Variants in SPAG4 observed in about 807,000 individuals in gnomAD.
The protein encoded by SPAG4 is sperm-associated antigen 4 protein.
A neutral mutation model predicts 53.9 loss-of-function variants in SPAG4; 54 were observed. The observed-to-expected ratio is 1.00, with a 90% CI of 0.80 to 1.26. SPAG4 has a LOEUF of 1.26. SPAG4 is among the 50% of genes most tolerant of loss of function. The probability of loss-of-function intolerance (pLI) is 0.00; values close to 1 mark genes in which losing one functional copy is unlikely to be tolerated. For missense variants in SPAG4, 548 were observed against 568.6 expected (o/e 0.96, Z 0.37); for synonymous variants, 246 against 237.4 (o/e 1.04, Z -0.33).
intron 7 of SPAG4, 85 bp downstream of exon 7, chr20:35,618,805 G>T (rs2031476754): frequency 7.0e-7 from 1 of 1,437,014 alleles, no homozygotes; most frequent in Admixed American, 1.9e-5. Context: ...AGCCCTGCGG[G>T]ATTTCTCCCG....
In SPAG4 at chr20:35,619,318, T is replaced by C. The variant is rs777887296; in HGVS notation, c.909+8T>C. 12 of 1,609,176 alleles carry C rather than the reference T, an allele frequency of 7.5e-6. No individual in the cohort carries two copies. Among genetic ancestry groups the C allele is most frequent in the Middle Eastern group, 1.6e-4 (1 of 6,072 alleles). Reference sequence around the variant, plus strand: ...CCCACGGTTATCCTGGAGGTGAGTCTGGAAACATCCCGGGATGGGACCCCG... The same window carrying C: ...CCCACGGTTATCCTGGAGGTGAGTCCGGAAACATCCCGGGATGGGACCCCG... On this transcript the variant is annotated splice_region_variant and intron_variant, in intron 9 of 11. Coordinates refer to ENST00000374273, the MANE Select transcript of SPAG4 (RefSeq NM_003116.3).
Position 35,619,008 on chromosome 20 carries a change from G to A in SPAG4, c.793+10G>A. The stretch of plus-strand genomic sequence containing the variant: ...GCTTTGAGCTCTGTGGGTAAGACCC[G>A]GAGACACTGGAAGACAGAGACGCAG... On this transcript the variant is annotated intron_variant, in intron 8 of 11. Transcript: ENST00000374273. 1.2e-6 allele frequency: 2 copies of A among 1,610,272 alleles called. No homozygotes were observed. Among genetic ancestry groups the A allele is most frequent in the South Asian group, 1.1e-5 (1 of 91,012 alleles).
At chr20:35,619,827 G>A in intron 10 of SPAG4, 81 bp downstream of exon 10, 3 of 1,398,734 alleles carry the variant, frequency 2.1e-6, no homozygotes. Context: ...CGTTATCTGA[G>A]TCTTCGCTTG....
At position 35,617,770 on chromosome 20, in the gene SPAG4, G is replaced by C. The variant is rs1430910289; in HGVS notation, c.477-9G>C. 6.2e-7 allele frequency: 1 copy of C among 1,613,842 alleles called. No homozygotes were observed. Among genetic ancestry groups the C allele is most frequent in the East Asian group, 2.2e-5 (1 of 44,856 alleles). On this transcript the variant is annotated splice_polypyrimidine_tract_variant and intron_variant, in intron 3 of 11. Transcript: ENST00000374273. ...AGGTCGGGGCCTCAGCCTCCCTCCG[G>C]TTCCCCAGGGAGGTCTGTTCCATCC... is the stretch of plus-strand genomic sequence containing the variant.
At chr20:35,620,547 C>T (rs1336007805) in intron 10 of SPAG4, 137 bp from the exon 11 acceptor site, 12 of 641,656 alleles carry the variant, frequency 1.9e-5, no homozygotes, top group African/African-American at 5.4e-5. Flanking sequence ...TTACAGTGTA[C>T]GACCATCAAA....
At chr20:35,617,451 ACAC>A (rs2031425534) in intron 2 of SPAG4, 66 bp from the exon 3 acceptor site, 5 of 1,141,392 alleles carry the variant, frequency 4.4e-6, no homozygotes, top group Non-Finnish European at 6.4e-6. Context: ...CTGAACCCGG[ACAC>A]CACGCAGGCT....
chr20:35,620,939 C>A lies in SPAG4; in HGVS notation c.1231C>A (p.Arg411Ser), dbSNP rs772215713. ...GATTCTAAGCAACTGGGGCCACCCC[C>A]GTTTCACGTGCTTGTATCGAGTCCG... ...IQILSNWGHP[R>S]FTCLYRVRAH... Residue 411 changes from arginine to serine, a missense_variant, in exon 12 of 12, where the codon CGT becomes AGT. Transcript: ENST00000374273. The A allele has an allele frequency of 6.2e-7, 1 of 1,614,206 alleles. No homozygotes were observed. The highest frequency in any genetic ancestry group is 1.6e-4 in the Middle Eastern group (1 of 6,062).
intron 9 of SPAG4, 42 bp from the exon 10 acceptor site, chr20:35,619,537 G>T (rs766160956): frequency 1.2e-5 from 19 of 1,595,758 alleles, no homozygotes; most frequent in Non-Finnish European, 1.4e-5. Flanking sequence ...GGCAGCAGTC[G>T]CTCTGTCCGA....
chr20:35,619,609 T>A lies in SPAG4; in HGVS notation c.940T>A (p.Phe314Ile), dbSNP rs569605887. The change falls in exon 10 of 12, where the codon TTT becomes ATT. Residue 314 changes from phenylalanine (F) to isoleucine (I), a missense_variant. By Grantham distance (21) the Phe-to-Ile change is conservative. Transcript: ENST00000374273. ...PHVFPGNCWA[F>I]EGDQGQVVIQ... Reference sequence around the variant, plus strand: ...CGTGTTCCCTGGGAATTGCTGGGCTTTTGAAGGCGACCAAGGCCAGGTGGT... The same window carrying A: ...CGTGTTCCCTGGGAATTGCTGGGCTATTGAAGGCGACCAAGGCCAGGTGGT... 180 of 1,613,966 alleles carry A rather than the reference T, an allele frequency of 1.1e-4. 1 individual carries two copies. Among genetic ancestry groups the A allele is most frequent in the Non-Finnish European group, 1.4e-4 (162 of 1,179,960 alleles).
chr20:35,618,371 C>T, intron 5 of SPAG4, 79 bp from the exon 6 acceptor site: 1 of 1,576,140 alleles, frequency 6.3e-7, no homozygotes, highest in Non-Finnish European at 8.7e-7. Context: ...AAAAGGAAGC[C>T]CTGGCCGTTT....
At chr20:35,618,383 C>T in intron 5 of SPAG4, 67 bp from the exon 6 acceptor site, 1 of 1,603,044 alleles carries the variant, frequency 6.2e-7, no homozygotes, top group East Asian at 2.2e-5. Flanking sequence ...TGGCCGTTTC[C>T]AGGCTGAGGT....
Position 35,616,203 on chromosome 20 carries a change from C to G in SPAG4, c.200C>G (p.Pro67Arg), listed in dbSNP as rs777503791. The change falls in exon 1 of 12, where the codon CCC (proline) becomes CGC (arginine). Residue 67 changes from proline (P) to arginine (R), a missense_variant. Physicochemically the swap from Pro to Arg is moderately radical, Grantham distance 103. Transcript: ENST00000374273. Reference protein sequence around the residue: ...CGEPALSAGVPGGTTWAGSSQ... With the variant: ...CGEPALSAGVRGGTTWAGSSQ... ...GAGCCCGCCTTGAGCGCGGGAGTGCCCGGAGGAACCACATGGGCAGGAAGC... is the reference window on the plus strand; with the variant it reads ...GAGCCCGCCTTGAGCGCGGGAGTGCGCGGAGGAACCACATGGGCAGGAAGC... 6.3e-7 allele frequency: 1 copy of G among 1,585,586 alleles called. No individual in the cohort carries two copies. The highest frequency in any genetic ancestry group is 2.3e-5 in the East Asian group (1 of 43,384).
chr20:35,618,361 A>C (rs1346857086), intron 5 of SPAG4, 89 bp from the exon 6 acceptor site: 1 of 1,550,796 alleles, frequency 6.4e-7, no homozygotes. Context: ...ACAGTCTTCA[A>C]AAAGGAAGCC....
chr20:35,618,370 C>T (rs2031457080), intron 5 of SPAG4, 80 bp from the exon 6 acceptor site: 2 of 1,568,488 alleles, frequency 1.3e-6, no homozygotes, highest in African/African-American at 1.4e-5. Context: ...AAAAAGGAAG[C>T]CCTGGCCGTT....
At chr20:35,617,974 C>A in intron 4 of SPAG4, 113 bp from the exon 5 acceptor site, 1 of 1,359,650 alleles carries the variant, frequency 7.4e-7, no homozygotes, top group Non-Finnish European at 1.0e-6. Flanking sequence ...CCCTCAGACT[C>A]CCACGGTCCT....
At chr20:35,618,542 C>T in intron 6 of SPAG4, 67 bp downstream of exon 6, 1 of 1,605,050 alleles carries the variant, frequency 6.2e-7, no homozygotes, top group Middle Eastern at 1.7e-4. Flanking sequence ...ACCTTGAAGG[C>T]GTGGGGGCCT....
chr20:35,617,688 A>T, intron 3 of SPAG4, 91 bp from the exon 4 acceptor site: 1 of 1,561,718 alleles, frequency 6.4e-7, no homozygotes. Context: ...GATCTGATTG[A>T]GTCATGTTGG....
chr20:35,617,082 G>C, intron 1 of SPAG4, 54 bp from the exon 2 acceptor site: 2 of 1,209,758 alleles, frequency 1.7e-6, no homozygotes, highest in Non-Finnish European at 2.4e-6. Context: ...GGTCTCGAGG[G>C]GAAAATAGGT....
intron 1 of SPAG4, chr20:35,616,915 C>G: frequency 1.8e-6 from 1 of 564,362 alleles, no homozygotes; most frequent in Non-Finnish European, 3.2e-6. Context: ...CAGGCGTGAG[C>G]CACCGCGCCC....
Sources: allele counts gnomAD v4.1 joint callset, GRCh38; gene constraint gnomAD v4.1.1; transcripts MANE v1.5; gene names NCBI Gene and HGNC (gene_info 2026-07-23, HGNC 2026-07-21).